The following CSMD1 variants were observed in gnomAD, a reference collection of about 807,000 sequenced individuals.
CSMD1 encodes CUB and sushi domain-containing protein 1.
CSMD1 carries 213 observed loss-of-function variants against 417.5 expected under a neutral mutation model. The observed-to-expected ratio is 0.51, with a 90% confidence interval of 0.46 to 0.57. The LOEUF (loss-of-function observed/expected upper bound fraction) is 0.57, where lower values mean the gene tolerates loss of function less well. CSMD1 is among the 20% of genes least tolerant of loss of function. CSMD1 has a pLI of 0.00. For missense variants in CSMD1, 6,923 were observed against 4,529.7 expected (o/e 1.53, Z -15.17); for synonymous variants, 2,862 against 1,736.8 (o/e 1.65, Z -16.11).
At chr8:3,052,439 G>A in intron 50 of CSMD1, 23 bp downstream of exon 50, 2 of 1,545,302 alleles carry the variant, frequency 1.3e-6, no homozygotes, top group Non-Finnish European at 1.7e-6. Flanking sequence ...CACAAAGATG[G>A]GCAGATGCCC....
chr8:3,162,048 T>G, intron 38 of CSMD1, 111 bp downstream of exon 38: 1 of 696,018 alleles, frequency 1.4e-6, no homozygotes, highest in East Asian at 2.7e-5. Context: ...ATAGTATGAT[T>G]CACAAACTGA....
chr8:4,717,821 G>A (rs565841470), intron 1 of CSMD1, among the ~76,000 whole-genome samples: 18 of 152,084 alleles, frequency 1.2e-4, no homozygotes, highest in Non-Finnish European at 2.4e-4. Flanking sequence ...AGATCTTACC[G>A]CCACCCCAGG....
At chr8:3,971,823 C>T (rs1035904715) in intron 5 of CSMD1, among the ~76,000 whole-genome samples, 13 of 152,158 alleles carry the variant, frequency 8.5e-5, no homozygotes, top group African/African-American at 2.7e-4. Context: ...CTGTCTGTTG[C>T]ATGAATTATT....
intron 3 of CSMD1, among the ~76,000 whole-genome samples, chr8:4,309,586 A>G (rs1174017827): frequency 1.3e-5 from 2 of 152,262 alleles, no homozygotes; most frequent in African/African-American, 4.8e-5. Flanking sequence ...GTTCATATGA[A>G]ATTCCCTAAT....
intron 2 of CSMD1, among the ~76,000 whole-genome samples, chr8:4,573,133 G>T (rs905044943): frequency 6.6e-6 from 1 of 152,084 alleles, no homozygotes; most frequent in Non-Finnish European, 1.5e-5. Flanking sequence ...TTCATCAAAC[G>T]CATTCCCTGT....
chr8:4,312,518 G>T (rs1798686915), intron 3 of CSMD1, among the ~76,000 whole-genome samples: 1 of 136,010 alleles, frequency 7.4e-6, no homozygotes, highest in Admixed American at 7.1e-5. Flanking sequence ...TATTATCAAT[G>T]TTACTTATTG....
intron 3 of CSMD1, among the ~76,000 whole-genome samples, chr8:4,059,089 T>G (rs986263461): frequency 2.6e-5 from 4 of 152,136 alleles, no homozygotes; most frequent in African/African-American, 9.7e-5. Flanking sequence ...TATAACAAAC[T>G]GTCTCTCAGA....
At chr8:4,343,654 G>C (rs1050134508) in intron 3 of CSMD1, among the ~76,000 whole-genome samples, 1 of 152,130 alleles carries the variant, frequency 6.6e-6, no homozygotes, top group Non-Finnish European at 1.5e-5. Context: ...CATCTCCTAG[G>C]AGACAAAGTC....
At chr8:4,248,892 A>C (rs545786376) in intron 3 of CSMD1, among the ~76,000 whole-genome samples, 1 of 152,244 alleles carries the variant, frequency 6.6e-6, no homozygotes, top group East Asian at 1.9e-4. Flanking sequence ...GTTGGAAAAA[A>C]AAATCCATTT....
intron 3 of CSMD1, among the ~76,000 whole-genome samples, chr8:4,176,331 C>T (rs1252260393): frequency 2.0e-5 from 3 of 152,050 alleles, no homozygotes; most frequent in Non-Finnish European, 1.5e-5. Flanking sequence ...CTGACGTCAA[C>T]CTTTTAAATT....
intron 3 of CSMD1, among the ~76,000 whole-genome samples, chr8:4,253,907 C>CTTTTTTTTTT (rs147795407): frequency 1.2e-5 from 1 of 80,956 alleles, no homozygotes; most frequent in Non-Finnish European, 2.4e-5. Context: ...TTCCTTCCAT[C>CTTTTTTTTTT]TTTTTTTTTT....
chr8:4,784,752 G>C (rs1035650459), intron 1 of CSMD1, among the ~76,000 whole-genome samples: 1 of 152,144 alleles, frequency 6.6e-6, no homozygotes, highest in Non-Finnish European at 1.5e-5. Context: ...AGTCATATCT[G>C]CAAAGATCTT....
intron 1 of CSMD1, among the ~76,000 whole-genome samples, chr8:4,909,771 T>C (rs916551519): frequency 3.9e-5 from 6 of 152,306 alleles, no homozygotes; most frequent in South Asian, 2.1e-4. Context: ...CTCTGATCCA[T>C]GTACATTTGT....
At chr8:3,943,350 CAATT>C (rs1811012249) in intron 5 of CSMD1, among the ~76,000 whole-genome samples, 1 of 138,820 alleles carries the variant, frequency 7.2e-6, no homozygotes, top group Admixed American at 7.4e-5. Context: ...TGAGTGAACT[CAATT>C]TTGTTAAAAA....
intron 7 of CSMD1, among the ~76,000 whole-genome samples, chr8:3,670,129 G>C (rs556249582): frequency 1.3e-5 from 2 of 152,136 alleles, no homozygotes; most frequent in African/African-American, 4.8e-5. Flanking sequence ...GTGTCTCTGA[G>C]GGTGATGCCA....
In CSMD1 at chr8:4,899,547, CTCTT is replaced by C. The variant is rs560937865; in HGVS notation, c.85+94781_85+94784del. ...GAAGCAAATGAGCGTATCTATATCACTCTTTCTTGTCATGGTGATCTGGACACTG... is the reference window on the plus strand; with the variant it reads ...GAAGCAAATGAGCGTATCTATATCACTCTTGTCATGGTGATCTGGACACTG... On this transcript the variant is annotated intron_variant, in intron 1 of 69. Transcript: ENST00000635120. 9.0e-4 allele frequency among the ~76,000 whole-genome samples: 137 copies of C among 152,298 alleles called. 2 individuals are homozygous for C. The highest frequency in any genetic ancestry group is 8.4e-4 in the Non-Finnish European group (57 of 68,018).
intron 3 of CSMD1, among the ~76,000 whole-genome samples, chr8:4,071,761 G>A (rs1473068316): frequency 3.9e-5 from 6 of 151,998 alleles, no homozygotes; most frequent in Non-Finnish European, 1.5e-5. Context: ...TCGTCTTTGG[G>A]GTTTTATTTT....
chr8:4,678,226 C>T (rs912420641), intron 1 of CSMD1, among the ~76,000 whole-genome samples: 1 of 151,688 alleles, frequency 6.6e-6, no homozygotes, highest in African/African-American at 2.4e-5. Context: ...GCCTGGCCAA[C>T]CTGGTGAAAC....
At chr8:4,211,091 A>T (rs1337044802) in intron 3 of CSMD1, among the ~76,000 whole-genome samples, 1 of 152,186 alleles carries the variant, frequency 6.6e-6, no homozygotes, top group Non-Finnish European at 1.5e-5. Context: ...ATTGTACATT[A>T]CATTTTGGGA....
Sources: allele counts gnomAD v4.1 joint callset (sites outside exome capture counted in the v4.1 genomes callset), GRCh38; gene constraint gnomAD v4.1.1; transcripts MANE v1.5; gene names NCBI Gene and HGNC (gene_info 2026-07-23, HGNC 2026-07-21).